Variants in CDC42BPA observed in about 807,000 individuals in gnomAD.
The protein encoded by CDC42BPA is CDC42 binding protein kinase alpha.
Under a neutral mutation model 223.5 loss-of-function variants are expected in CDC42BPA, and 80 were observed. The ratio of observed to expected loss-of-function variants is 0.36; its 90% CI spans 0.30 to 0.43. CDC42BPA has a LOEUF of 0.43. CDC42BPA is among the 20% of genes least tolerant of loss of function. The probability of loss-of-function intolerance (pLI) is 1.00; values close to 1 mark genes in which losing one functional copy is unlikely to be tolerated. For synonymous variants in CDC42BPA, 694 were observed against 718.6 expected, an observed-to-expected ratio of 0.97 and a Z score of 0.55; for missense variants, 1,743 against 2,099.9, an observed-to-expected ratio of 0.83 and a Z score of 3.32.
intron 2 of CDC42BPA, among the ~76,000 whole-genome samples, chr1:227,247,660 G>T (rs1049917865): frequency 1.3e-5 from 2 of 151,676 alleles, no homozygotes. Context: ...CAAGGCAGGC[G>T]GATCATCTGA....
chr1:227,257,994 A>G, intron 1 of CDC42BPA, among the ~76,000 whole-genome samples: 1 of 150,262 alleles, frequency 6.7e-6, no homozygotes, highest in East Asian at 1.9e-4. Flanking sequence ...ACGTGGCAAA[A>G]CTCTGTCTCT....
At chr1:227,030,088 G>GGCA (rs1668983690) in intron 29 of CDC42BPA, among the ~76,000 whole-genome samples, 3 of 150,820 alleles carry the variant, frequency 2.0e-5, no homozygotes, top group Non-Finnish European at 2.9e-5. Flanking sequence ...AGCCGAGTTC[G>GGCA]TGCCACTGCA....
intron 1 of CDC42BPA, among the ~76,000 whole-genome samples, chr1:227,283,138 C>T (rs16847574): frequency 0.31 from 46,715 of 151,884 alleles, 7,358 homozygotes; most frequent in East Asian, 0.37. Context: ...AGTGGCAGAA[C>T]ATCACTACTC....
chr1:227,025,544 T>C (rs1668105075), intron 31 of CDC42BPA, among the ~76,000 whole-genome samples: 1 of 152,202 alleles, frequency 6.6e-6, no homozygotes, highest in Non-Finnish European at 1.5e-5. Context: ...AAAATTCTCT[T>C]TGTTATGGAA....
chr1:227,184,391 G>GT (rs111493441), intron 5 of CDC42BPA, among the ~76,000 whole-genome samples: 24,082 of 146,954 alleles, frequency 0.16, 2,383 homozygotes, highest in African/African-American at 0.28. Context: ...GTTATTTGGG[G>GT]TTTTTTTTTT....
chr1:227,174,742 T>C lies in CDC42BPA; in HGVS notation c.600-14106A>G, dbSNP rs577621509. Among the ~76,000 whole-genome samples the C allele has an allele frequency of 1.1e-4, 16 of 152,334 alleles. 1 individual carries two copies. The highest frequency in any genetic ancestry group is 2.6e-4 in the Admixed American group (4 of 15,308). ...TTAACTGGTTTTTCATTTTAGTTTT[T>C]TGGACTAGGGTAAAGAAAAATTACT... is the stretch of plus-strand genomic sequence containing the variant. On this transcript the variant is annotated intron_variant, in intron 5 of 36. Coordinates refer to ENST00000366766, the MANE Select transcript of CDC42BPA (RefSeq NM_001394014.1).
In CDC42BPA at chr1:227,224,104, G is replaced by GT. The variant is rs373085780; in HGVS notation, c.271-10886dup. Among the ~76,000 whole-genome samples, 293 of 151,930 alleles carry GT rather than the reference G, an allele frequency of 1.9e-3. 2 individuals carry two copies. The highest frequency in any genetic ancestry group is 6.6e-3 in the African/African-American group (275 of 41,442). On this transcript the variant is annotated intron_variant, in intron 2 of 36. Coordinates refer to ENST00000366766, the MANE Select transcript of CDC42BPA (RefSeq NM_001394014.1). ...TCTGTACTCTGCTTTTTTGTATTTTGTTTTTATTTATTTTATGAAGTTTTT... is the reference window on the plus strand; with the variant it reads ...TCTGTACTCTGCTTTTTTGTATTTTGTTTTTTATTTATTTTATGAAGTTTTT...
chr1:227,197,108 G>C (rs562703435), intron 4 of CDC42BPA, among the ~76,000 whole-genome samples: 23 of 152,222 alleles, frequency 1.5e-4, no homozygotes, highest in Middle Eastern at 3.4e-3. Context: ...GGTTAGAAAT[G>C]AAAGTTATTT....
At chr1:227,191,726 A>G (rs1669743006) in intron 5 of CDC42BPA, among the ~76,000 whole-genome samples, 1 of 152,180 alleles carries the variant, frequency 6.6e-6, no homozygotes, top group Non-Finnish European at 1.5e-5. Context: ...TTTTTAAATG[A>G]TAGTCCTCAG....
chr1:226,994,829 G>C lies in CDC42BPA; in HGVS notation c.5127C>G (p.Asp1709Glu). The C allele has an allele frequency of 1.2e-6, 2 of 1,610,594 alleles. 1 individual carries two copies. Among genetic ancestry groups the C allele is most frequent in the East Asian group, 4.5e-5 (2 of 44,780 alleles). Residue 1709 changes from aspartate to glutamate, a missense_variant, in exon 36 of 37, where the codon GAC becomes GAG. Asp to Glu is a conservative substitution (Grantham distance 45). Transcript: ENST00000366766. This position sits in a 1 kb window ranked among gnomAD's most constrained non-coding sequence, Gnocchi z 4.0. ...QGSDAPARDF[D>E]GEDSDSPRHS... ...CGGAACCCTGCCCACTCACCTCTCC[G>C]TCAAAGTCCCTCGCTGGGGCATCAC...
At chr1:227,023,844 A>C (rs1248577592) in intron 31 of CDC42BPA, among the ~76,000 whole-genome samples, 1 of 152,212 alleles carries the variant, frequency 6.6e-6, no homozygotes, top group Non-Finnish European at 1.5e-5. Context: ...TAAGCTTTAC[A>C]ATGTTTGGAG....
chr1:227,026,152 C>A lies in CDC42BPA; in HGVS notation c.4433G>T (p.Cys1478Phe). The change falls in exon 31 of 37, where the codon TGT becomes TTT. Residue 1478 changes from cysteine to phenylalanine, a missense_variant and splice_region_variant. Coordinates refer to ENST00000366766, the MANE Select transcript of CDC42BPA (RefSeq NM_001394014.1). ...LMWPANPSSC[C>F]YNAPYLSVYS... Reference sequence around the variant, plus strand: ...CACCGAGAGATATGGTGCATTGTAACCTGGGAGAAGGGAAGGGGGGGCAGC... The same window carrying A: ...CACCGAGAGATATGGTGCATTGTAAACTGGGAGAAGGGAAGGGGGGGCAGC... 1 of 1,567,792 alleles carries A rather than the reference C, an allele frequency of 6.4e-7. No homozygotes were observed.
At position 226,994,464 on chromosome 1, in the gene CDC42BPA, G is replaced by T; in HGVS notation, c.5134-65C>A. ...GAGAAAGGGAGGCAGAAGGGGCTCA[G>T]ATTACCACCGCCCCCTCCAGCCACC... On this transcript the variant is annotated intron_variant, in intron 36 of 36. Transcript: ENST00000366766. The surrounding 1 kb of genome is among the most constrained non-coding windows in gnomAD (Gnocchi z 4.0). 6.9e-7 allele frequency: 1 copy of T among 1,451,018 alleles called. No individual in the cohort carries two copies. Among genetic ancestry groups the T allele is most frequent in the Non-Finnish European group, 9.1e-7 (1 of 1,096,602 alleles). The allele number at this position is 1,451,018 out of a possible 1,614,324, so 89.9% of individuals were successfully genotyped here.
At chr1:227,059,223 C>G in intron 21 of CDC42BPA, 1 of 666,542 alleles carries the variant, frequency 1.5e-6, no homozygotes, top group South Asian at 2.1e-5. Flanking sequence ...ATAAAAGCAG[C>G]ACAGCAACAG....
intron 1 of CDC42BPA, among the ~76,000 whole-genome samples, chr1:227,312,879 C>T (rs1693762002): frequency 6.6e-6 from 1 of 152,152 alleles, no homozygotes; most frequent in South Asian, 2.1e-4. Context: ...TCCTCCCACT[C>T]CAGCCATGCA....
At chr1:227,294,584 G>A (rs1322411079) in intron 1 of CDC42BPA, among the ~76,000 whole-genome samples, 1 of 134,510 alleles carries the variant, frequency 7.4e-6, no homozygotes, top group Admixed American at 7.7e-5. Flanking sequence ...TAATTGGCCG[G>A]GCGCGGTGGC....
intron 21 of CDC42BPA, 124 bp downstream of exon 21, chr1:227,069,653 T>G: frequency 3.3e-6 from 2 of 607,764 alleles, no homozygotes; most frequent in Non-Finnish European, 5.9e-6. Flanking sequence ...ATGTTTTTGT[T>G]TATTTAAGAT....
chr1:227,247,902 C>T (rs1026016512), intron 2 of CDC42BPA, among the ~76,000 whole-genome samples: 1 of 151,924 alleles, frequency 6.6e-6, no homozygotes, highest in African/African-American at 2.4e-5. Flanking sequence ...AATAAACAAA[C>T]AATAATTTTT....
chr1:227,275,239 T>TAAAAAAAAAAAAAAAA (rs1558930096), intron 1 of CDC42BPA, among the ~76,000 whole-genome samples: 1 of 75,568 alleles, frequency 1.3e-5, no homozygotes, highest in Non-Finnish European at 2.8e-5. Context: ...AAATAAAAAT[T>TAAAAAAAAAAAAAAAA]AGAAAGCAGA....
Sources: gnomAD v4.1 joint callset for allele counts (sites outside exome capture counted in the v4.1 genomes callset) on GRCh38, gnomAD v4.1.1 for gene constraint, Gnocchi (gnomAD v3.1) non-coding constraint, MANE v1.5 for transcripts, NCBI Gene and HGNC (gene_info 2026-07-23, HGNC 2026-07-21) for gene names.